BCLAF3: variants seen among roughly 807,000 people sequenced by gnomAD.
The protein encoded by BCLAF3 is BCLAF1 and THRAP3 family member 3, also known as transient octamer binding factor 1.
In BCLAF3, 24 loss-of-function variants were observed where a neutral mutation model predicts 51.2. The ratio of observed to expected loss-of-function variants is 0.47; its 90% CI spans 0.34 to 0.66. The LOEUF (loss-of-function observed/expected upper bound fraction) is 0.66, where lower values mean the gene tolerates loss of function less well. Ranked by LOEUF, BCLAF3 falls within the 30% of genes least tolerant of loss-of-function variation. The probability of loss-of-function intolerance (pLI) is 0.01; values close to 1 mark genes in which losing one functional copy is unlikely to be tolerated. For synonymous variants in BCLAF3, 152 were observed against 176.6 expected (o/e 0.86, Z 1.10); for missense variants, 465 against 525.1 (o/e 0.89, Z 1.12).
chrX:19,935,572 C>T, intron 10 of BCLAF3: 1 of 343,606 alleles, frequency 2.9e-6, no homozygotes, highest in Non-Finnish European at 5.1e-6. Flanking sequence ...TTTGTGTTTC[C>T]ATGTAATATT....
intron 2 of BCLAF3, among the ~76,000 whole-genome samples, chrX:19,967,664 T>A (rs1460763076): frequency 1.8e-5 from 2 of 111,615 alleles, no homozygotes; most frequent in Non-Finnish European, 3.8e-5. Flanking sequence ...AATTTCTCCA[T>A]CTCCTCCCTG....
At chrX:19,990,521 G>A (rs1796776739) in intron 1 of BCLAF3, among the ~76,000 whole-genome samples, 1 of 113,684 alleles carries the variant, frequency 8.8e-6, no homozygotes, top group African/African-American at 3.2e-5. Flanking sequence ...CCGCCTCGAG[G>A]ACAAGGGCAC....
intron 4 of BCLAF3, among the ~76,000 whole-genome samples, chrX:19,961,015 C>G (rs1249694325): frequency 8.9e-6 from 1 of 111,833 alleles, no homozygotes; most frequent in Non-Finnish European, 1.9e-5. Flanking sequence ...CCATCAGCAG[C>G]AGCTTATTCT....
At chrX:19,934,916 T>C (rs943525489) in intron 10 of BCLAF3, among the ~76,000 whole-genome samples, 1 of 112,235 alleles carries the variant, frequency 8.9e-6, no homozygotes, top group Non-Finnish European at 1.9e-5. Flanking sequence ...CCAGGTGCAG[T>C]GGCTCAAGCC....
chrX:19,935,729 C>T, intron 10 of BCLAF3, 80 bp downstream of exon 10: 1 of 802,441 alleles, frequency 1.2e-6, no homozygotes, highest in Admixed American at 2.4e-5. Context: ...CAAAACAGCT[C>T]TTGATTTACT....
rs868495409 is a variant in BCLAF3 at position 19,935,959 on chromosome X, T to A, written c.1861-61A>T. The A allele has an allele frequency of 2.9e-5, 27 of 925,978 alleles. No homozygotes were observed. The African/African-American group carries it at 3.3e-4, about 11-fold the overall frequency. 76.3% of individuals were successfully genotyped at this position (925,978 alleles called of 1,213,427 possible). On this transcript the variant is annotated intron_variant, in intron 9 of 11. Transcript: ENST00000379682. ...CTTTAAAGTTTACTTTAAAAGCTTG[T>A]TTTACCATTAGAAAACACATTTTAA...
intron 1 of BCLAF3, among the ~76,000 whole-genome samples, chrX:19,975,481 C>G (rs958724834): frequency 1.8e-5 from 2 of 110,105 alleles, no homozygotes; most frequent in Non-Finnish European, 3.8e-5. Flanking sequence ...GTAGCTGGGA[C>G]TACAGGTGTG....
chrX:19,965,975 T>C (rs2055265160), intron 3 of BCLAF3, 105 bp downstream of exon 3: 1 of 806,861 alleles, frequency 1.2e-6, no homozygotes, highest in Non-Finnish European at 1.8e-6. Context: ...TTTTTGTCTT[T>C]TTAGACAAAA....
intron 1 of BCLAF3, among the ~76,000 whole-genome samples, chrX:19,980,799 C>T (rs1186269494): frequency 1.8e-5 from 2 of 109,642 alleles, no homozygotes; most frequent in Non-Finnish European, 1.9e-5. Flanking sequence ...ATTAGACAGG[C>T]GTGGTGTTGC....
At chrX:19,984,027 G>A (rs934019090) in intron 1 of BCLAF3, among the ~76,000 whole-genome samples, 5 of 96,417 alleles carry the variant, frequency 5.2e-5, no homozygotes, top group African/African-American at 2.0e-4. Context: ...AGCCGAGATC[G>A]TGCTACTGCA....
chrX:19,965,607 C>T lies in BCLAF3; in HGVS notation c.711G>A (p.Lys237=). 8.5e-7 allele frequency: 1 copy of T among 1,177,210 alleles called. No individual in the cohort carries two copies. The highest frequency in any genetic ancestry group is 3.0e-5 in the East Asian group (1 of 33,559). The part of the protein sequence containing the change: ...YESREPARNP[K]WKPEHSLPPY... ...GTGGGAGGGAATGCTCAGGCTTCCACTTTGGGTTCCTGGCAGGCTCTCTGC... is the reference window on the plus strand; with the variant it reads ...GTGGGAGGGAATGCTCAGGCTTCCATTTTGGGTTCCTGGCAGGCTCTCTGC... Residue 237 remains lysine, a synonymous_variant, in exon 4 of 12, where the codon AAG becomes AAA. Transcript: ENST00000379682.
intron 4 of BCLAF3, among the ~76,000 whole-genome samples, chrX:19,962,519 T>C (rs923277864): frequency 1.8e-5 from 2 of 112,294 alleles, no homozygotes; most frequent in African/African-American, 6.5e-5. Flanking sequence ...AAGATTTTTA[T>C]GCATTTGATT....
At chrX:19,956,459 A>G (rs1250289953) in intron 4 of BCLAF3, among the ~76,000 whole-genome samples, 1 of 111,746 alleles carries the variant, frequency 8.9e-6, no homozygotes, top group African/African-American at 3.3e-5. Context: ...GCTTTGTTTC[A>G]CATCCCAGAG....
At chrX:19,934,004 G>C (rs1333092466) in intron 10 of BCLAF3, among the ~76,000 whole-genome samples, 3 of 111,092 alleles carry the variant, frequency 2.7e-5, no homozygotes, top group Non-Finnish European at 5.7e-5. Flanking sequence ...TCGAACTCCT[G>C]ACCTCAAGTG....
At chrX:19,956,837 C>T (rs1171141827) in intron 4 of BCLAF3, among the ~76,000 whole-genome samples, 1 of 111,344 alleles carries the variant, frequency 9.0e-6, no homozygotes, top group Admixed American at 9.6e-5. Context: ...TAACAGGACA[C>T]CACTGGAATA....
intron 1 of BCLAF3, among the ~76,000 whole-genome samples, chrX:19,972,728 T>G (rs2147994795): frequency 8.9e-6 from 1 of 111,790 alleles, no homozygotes; most frequent in South Asian, 3.7e-4. Context: ...AATCAAACAG[T>G]ATGTAGTTTT....
chrX:19,987,616 A>C (rs2072849426), intron 1 of BCLAF3, among the ~76,000 whole-genome samples: 1 of 112,210 alleles, frequency 8.9e-6, no homozygotes, highest in African/African-American at 3.2e-5. Flanking sequence ...CCCCAAACTG[A>C]ATTTTTATCA....
intron 10 of BCLAF3, 150 bp from the exon 11 acceptor site, chrX:19,930,090 C>T (rs2070490783): frequency 2.3e-6 from 1 of 442,020 alleles, no homozygotes; most frequent in Non-Finnish European, 3.6e-6. Flanking sequence ...TCAAGCTGAT[C>T]GCTTGAGGTC....
At chrX:19,968,590 C>A (rs2072140498) in intron 2 of BCLAF3, among the ~76,000 whole-genome samples, 1 of 113,018 alleles carries the variant, frequency 8.8e-6, no homozygotes, top group Non-Finnish European at 1.9e-5. Flanking sequence ...GGGGGAATGA[C>A]AGGAACATGA....
Sources: allele counts gnomAD v4.1 joint callset (sites outside exome capture counted in the v4.1 genomes callset), GRCh38; gene constraint gnomAD v4.1.1; transcripts MANE v1.5; gene names NCBI Gene and HGNC (gene_info 2026-07-23, HGNC 2026-07-21).